FRAS1: variants seen among roughly 807,000 people sequenced by gnomAD.
The protein encoded by FRAS1 is Fraser extracellular matrix complex subunit 1.
In FRAS1, 290 loss-of-function variants were observed where a neutral mutation model predicts 435.2. The observed-to-expected ratio is 0.67, with a 90% confidence interval of 0.61 to 0.73. The LOEUF is 0.73. Ranked by LOEUF, FRAS1 falls within the 30% of genes least tolerant of loss-of-function variation. The probability of loss-of-function intolerance (pLI) is 0.00; values close to 1 mark genes in which losing one functional copy is unlikely to be tolerated. For synonymous variants in FRAS1, 1,800 were observed against 1,851.0 expected (o/e 0.97, Z 0.71); for missense variants, 4,860 against 5,001.5 (o/e 0.97, Z 0.85).
chr4:78,181,246 C>G, intron 2 of FRAS1: 2 of 1,609,300 alleles, frequency 1.2e-6, no homozygotes, highest in Non-Finnish European at 1.7e-6. Context: ...TTGGACCCTC[C>G]TCTTTTACCT....
At chr4:78,374,300 T>A in intron 25 of FRAS1, 49 bp downstream of exon 25, 1 of 1,514,390 alleles carries the variant, frequency 6.6e-7, no homozygotes, top group Non-Finnish European at 9.0e-7. Context: ...GGGCAGCAAG[T>A]AAGTCACATG....
At position 78,533,753 on chromosome 4, in the gene FRAS1, A is replaced by G. The variant is rs115702398; in HGVS notation, c.10926-696A>G. On this transcript the variant is annotated intron_variant, in intron 70 of 73. Coordinates refer to ENST00000512123, the MANE Select transcript of FRAS1 (RefSeq NM_025074.7). Reference sequence around the variant, plus strand: ...ACTGAGTTTGGGTTATCTGACAGCCATGTAGAGCTACCATTTGACAGCCAG... The same window carrying G: ...ACTGAGTTTGGGTTATCTGACAGCCGTGTAGAGCTACCATTTGACAGCCAG... 1.7e-3 allele frequency among the ~76,000 whole-genome samples: 263 copies of G among 152,356 alleles called. 1 individual carries two copies. The highest frequency in any genetic ancestry group is 6.0e-3 in the African/African-American group (249 of 41,590).
intron 2 of FRAS1, among the ~76,000 whole-genome samples, chr4:78,128,214 C>A (rs1367196709): frequency 1.3e-5 from 2 of 151,972 alleles, no homozygotes; most frequent in African/African-American, 4.8e-5. Flanking sequence ...AATAAACATA[C>A]GTGTGCATGT....
At chr4:78,066,102 C>A in intron 2 of FRAS1, 86 bp downstream of exon 2, 2 of 897,152 alleles carry the variant, frequency 2.2e-6, no homozygotes, top group South Asian at 2.8e-5. Context: ...TTGACCCTAT[C>A]ATTGTAGAAT....
intron 2 of FRAS1, among the ~76,000 whole-genome samples, chr4:78,126,538 G>A (rs937230495): frequency 2.7e-4 from 41 of 152,198 alleles, no homozygotes; most frequent in Admixed American, 2.0e-4. Flanking sequence ...TCTTGGAAGC[G>A]AACATATAGC....
chr4:78,091,164 T>C (rs1320065560), intron 2 of FRAS1, among the ~76,000 whole-genome samples: 1 of 152,102 alleles, frequency 6.6e-6, no homozygotes, highest in African/African-American at 2.4e-5. Flanking sequence ...TTTTTTTTTA[T>C]TTCTACTACC....
chr4:78,406,120 A>T (rs368261743), intron 30 of FRAS1, among the ~76,000 whole-genome samples: 1 of 152,246 alleles, frequency 6.6e-6, no homozygotes, highest in African/African-American at 2.4e-5. Context: ...AAATACTGGT[A>T]CATGTTCACA....
At position 78,464,530 on chromosome 4, in the gene FRAS1, A is replaced by G; in HGVS notation, c.6976A>G (p.Met2326Val). The G allele has an allele frequency of 6.2e-7, 1 of 1,613,960 alleles. No homozygotes were observed. ...QNLGMRVQEG[M>V]RKTITEFELK... ...CTTAGGAATGCGGGTGCAGGAGGGC[A>G]TGAGGAAGACCATCACAGAGTTTGA... is the stretch of plus-strand genomic sequence containing the variant. The change falls in exon 49 of 74, where the codon ATG (methionine) becomes GTG (valine). Residue 2326 changes from methionine to valine, a missense_variant. Met to Val is a conservative substitution (Grantham distance 21, BLOSUM62 1). Coordinates refer to ENST00000512123, the MANE Select transcript of FRAS1 (RefSeq NM_025074.7).
At chr4:78,098,776 A>G (rs1467494473) in intron 2 of FRAS1, among the ~76,000 whole-genome samples, 1 of 152,252 alleles carries the variant, frequency 6.6e-6, no homozygotes, top group African/African-American at 2.4e-5. Context: ...CTCAGAGCCC[A>G]GAATAAATAG....
chr4:78,449,853 G>A (rs1718969453), intron 44 of FRAS1, among the ~76,000 whole-genome samples: 1 of 152,160 alleles, frequency 6.6e-6, no homozygotes, highest in Non-Finnish European at 1.5e-5. Context: ...TTATTCCACA[G>A]ATCTAGGTAT....
At chr4:78,518,082 A>C (rs1201740052) in intron 66 of FRAS1, among the ~76,000 whole-genome samples, 5 of 151,948 alleles carry the variant, frequency 3.3e-5, no homozygotes, top group Admixed American at 3.3e-4. Context: ...GAGTCACTGC[A>C]TTCTAGTCTG....
At chr4:78,370,866 CT>C (rs1425694961) in intron 23 of FRAS1, among the ~76,000 whole-genome samples, 1 of 152,150 alleles carries the variant, frequency 6.6e-6, no homozygotes, top group African/African-American at 2.4e-5. Flanking sequence ...TTACTTGCTC[CT>C]GTCCATTTCC....
Position 78,424,385 on chromosome 4 carries a change from T to C in FRAS1, c.4679-3T>C. On this transcript the variant is annotated splice_region_variant and splice_polypyrimidine_tract_variant and intron_variant, in intron 34 of 73. Coordinates refer to ENST00000512123, the MANE Select transcript of FRAS1 (RefSeq NM_025074.7). Reference sequence around the variant, plus strand: ...ATACTGATTGTCTCTCTTACTCTTTTAGGTCTCCCAGAATCAGTGAAATTC... The same window carrying C: ...ATACTGATTGTCTCTCTTACTCTTTCAGGTCTCCCAGAATCAGTGAAATTC... 1 of 1,466,424 alleles carries C rather than the reference T, an allele frequency of 6.8e-7. No individual in the cohort carries two copies. The allele number at this position is 1,466,424 out of a possible 1,614,324, so 90.8% of individuals were successfully genotyped here.
At chr4:78,536,191 A>ATTTTTTTTTTTTTTTT (rs11355997) in intron 71 of FRAS1, among the ~76,000 whole-genome samples, 1 of 103,988 alleles carries the variant, frequency 9.6e-6, no homozygotes, top group African/African-American at 3.8e-5. Context: ...TTGTACATGG[A>ATTTTTTTTTTTTTTTT]TTTTTTTTTT....
intron 14 of FRAS1, among the ~76,000 whole-genome samples, chr4:78,290,763 T>C (rs6814182): frequency 0.94 from 138,984 of 147,422 alleles, 65,954 homozygotes; most frequent in Non-Finnish European, 1. Context: ...TTTTTTTGTT[T>C]GTTTGTTTGA....
At chr4:78,245,346 G>A (rs774692934) in intron 4 of FRAS1, 21 bp downstream of exon 4, 15 of 1,482,596 alleles carry the variant, frequency 1.0e-5, no homozygotes, top group Middle Eastern at 1.7e-4. Context: ...TCTGACTCAC[G>A]GTTGATTCTG....
At chr4:78,223,202 G>T (rs1317670052) in intron 2 of FRAS1, among the ~76,000 whole-genome samples, 1 of 152,144 alleles carries the variant, frequency 6.6e-6, no homozygotes, top group Non-Finnish European at 1.5e-5. Context: ...TCTTGGTTTG[G>T]AATGGGGATG....
intron 27 of FRAS1, among the ~76,000 whole-genome samples, chr4:78,383,398 C>A (rs1732096372): frequency 6.6e-6 from 1 of 152,144 alleles, no homozygotes; most frequent in Non-Finnish European, 1.5e-5. Flanking sequence ...AGGCTTCATT[C>A]ATTTCTCTAT....
At chr4:78,117,563 C>T (rs554598316) in intron 2 of FRAS1, among the ~76,000 whole-genome samples, 40 of 152,250 alleles carry the variant, frequency 2.6e-4, no homozygotes, top group African/African-American at 3.6e-4. Context: ...CTTCTCTTCT[C>T]GCTTCATTTC....
Sources: allele counts gnomAD v4.1 joint callset (sites outside exome capture counted in the v4.1 genomes callset), GRCh38; gene constraint gnomAD v4.1.1; transcripts MANE v1.5; gene names NCBI Gene and HGNC (gene_info 2026-07-23, HGNC 2026-07-21).